The following MARCHF1 variants were observed in gnomAD, a reference collection of about 807,000 sequenced individuals.
MARCHF1 encodes membrane associated ring-CH-type finger 1.
In MARCHF1, 40 loss-of-function variants were observed where a neutral mutation model predicts 54.2. That is an observed-to-expected ratio of 0.74 (90% CI 0.57 to 0.96). MARCHF1 has a LOEUF of 0.96. MARCHF1 is among the 40% of genes least tolerant of loss of function. MARCHF1 has a pLI of 0.00. For missense variants in MARCHF1, 586 were observed against 656.5 expected (o/e 0.89, Z 1.17); for synonymous variants, 236 against 236.3 (o/e 1.00, Z 0.01).
Position 163,528,342 on chromosome 4 carries a change from C to A in MARCHF1, c.*406G>T. 1 of 161,694 alleles carries A rather than the reference C, an allele frequency of 6.2e-6. No homozygotes were observed. Among genetic ancestry groups the A allele is most frequent in the Non-Finnish European group, 1.3e-5 (1 of 74,364 alleles). The allele number at this position is 161,694 out of a possible 1,614,324, so 10.0% of individuals were successfully genotyped here. Reference sequence around the variant, plus strand: ...ATATGTTAGTTATTTCCAGATGAGACAGTTAACATTACAAGGCCCTAGAAG... The same window carrying A: ...ATATGTTAGTTATTTCCAGATGAGAAAGTTAACATTACAAGGCCCTAGAAG... On this transcript the variant is annotated 3_prime_UTR_variant, in exon 10 of 10. Transcript: ENST00000514618.
intron 4 of MARCHF1, among the ~76,000 whole-genome samples, chr4:163,716,885 T>C (rs1252263051): frequency 6.6e-6 from 1 of 152,228 alleles, no homozygotes; most frequent in Non-Finnish European, 1.5e-5. Flanking sequence ...AATTGTTACA[T>C]AAGAATAAAC....
At chr4:164,361,718 G>T (rs1480301979) in intron 1 of MARCHF1, among the ~76,000 whole-genome samples, 1 of 151,902 alleles carries the variant, frequency 6.6e-6, no homozygotes, top group Non-Finnish European at 1.5e-5. Context: ...GCTTTTCTGA[G>T]GTTTTCATTT....
At chr4:163,546,373 C>T (rs577380829) in intron 8 of MARCHF1, among the ~76,000 whole-genome samples, 1 of 152,262 alleles carries the variant, frequency 6.6e-6, no homozygotes, top group African/African-American at 2.4e-5. Flanking sequence ...CTATAGTTTC[C>T]TCATCTGTAC....
intron 1 of MARCHF1, among the ~76,000 whole-genome samples, chr4:164,306,869 C>T (rs1449259503): frequency 3.9e-5 from 6 of 152,124 alleles, no homozygotes; most frequent in Non-Finnish European, 7.4e-5. Context: ...ATGCCATAAA[C>T]TAATCATCAT....
chr4:163,883,818 A>G (rs1261790829), intron 3 of MARCHF1, among the ~76,000 whole-genome samples: 2 of 151,942 alleles, frequency 1.3e-5, no homozygotes, highest in African/African-American at 4.8e-5. Flanking sequence ...AAATATTCAG[A>G]CAATATAACA....
At chr4:164,312,424 G>A (rs192509279) in intron 1 of MARCHF1, among the ~76,000 whole-genome samples, 32 of 142,556 alleles carry the variant, frequency 2.2e-4, no homozygotes, top group African/African-American at 7.0e-4. Context: ...CCGGGTTCAC[G>A]CCATTCTCCT....
chr4:163,556,007 T>C (rs571784463), intron 8 of MARCHF1: 2 of 455,622 alleles, frequency 4.4e-6, no homozygotes, highest in Non-Finnish European at 8.8e-6. Flanking sequence ...CTTTTAAAAA[T>C]ACCCAATTTT....
chr4:163,558,613 G>A (rs1013032047), intron 8 of MARCHF1, among the ~76,000 whole-genome samples: 1 of 152,220 alleles, frequency 6.6e-6, no homozygotes, highest in Admixed American at 6.5e-5. Context: ...GAAACAGGAC[G>A]ATGAGCTGCA....
rs997182833 is a variant in MARCHF1, at chr4:164,034,194, A to G, written c.-247-45485T>C. Among the ~76,000 whole-genome samples the G allele has an allele frequency of 2.6e-5, 4 of 152,126 alleles. No individual in the cohort carries two copies. The South Asian group carries it at 6.2e-4, about 24-fold the overall frequency. On this transcript the variant is annotated intron_variant, in intron 2 of 9. Transcript: ENST00000514618. ...CACGTGTTTGCAGGGACATGGATGA[A>G]GCTGGAAGCCATCATCCTCAGCAAA...
At chr4:163,939,486 T>C (rs1363070717) in intron 3 of MARCHF1, among the ~76,000 whole-genome samples, 1 of 152,152 alleles carries the variant, frequency 6.6e-6, no homozygotes, top group East Asian at 1.9e-4. Context: ...TCCTCTGTAG[T>C]GGGTGGTCTG....
chr4:164,362,415 T>C (rs1730746936), intron 1 of MARCHF1, among the ~76,000 whole-genome samples: 1 of 151,998 alleles, frequency 6.6e-6, no homozygotes, highest in Admixed American at 6.6e-5. Context: ...GAGACATGAG[T>C]CCAGGGGGTA....
At chr4:163,967,152 A>G (rs1310584970) in intron 3 of MARCHF1, among the ~76,000 whole-genome samples, 3 of 152,142 alleles carry the variant, frequency 2.0e-5, no homozygotes, top group Non-Finnish European at 2.9e-5. Context: ...TCATTAAGGG[A>G]CCTTGTATAC....
chr4:164,144,967 C>T (rs1471435367), intron 1 of MARCHF1, among the ~76,000 whole-genome samples: 1 of 132,348 alleles, frequency 7.6e-6, no homozygotes, highest in East Asian at 2.1e-4. Flanking sequence ...CAAATAGATG[C>T]AATAAAAAAT....
chr4:164,235,231 C>T (rs1033513890), intron 1 of MARCHF1, among the ~76,000 whole-genome samples: 2 of 152,004 alleles, frequency 1.3e-5, no homozygotes, highest in African/African-American at 4.8e-5. Flanking sequence ...GGGAATAGTC[C>T]CCATTTCCCT....
chr4:163,899,617 A>T (rs560906280), intron 3 of MARCHF1, among the ~76,000 whole-genome samples: 1 of 151,892 alleles, frequency 6.6e-6, no homozygotes, highest in Non-Finnish European at 1.5e-5. Context: ...AATGACGATG[A>T]CTCTCAAATG....
intron 4 of MARCHF1, among the ~76,000 whole-genome samples, chr4:163,722,774 A>G (rs1423495485): frequency 6.6e-6 from 1 of 152,162 alleles, no homozygotes; most frequent in African/African-American, 2.4e-5. Context: ...TCCCTTTACC[A>G]TTATGTAATG....
intron 2 of MARCHF1, among the ~76,000 whole-genome samples, chr4:164,085,741 A>C (rs1755180025): frequency 6.6e-6 from 1 of 151,864 alleles, no homozygotes; most frequent in South Asian, 2.1e-4. Context: ...ATTGATAATC[A>C]TTGTAATGGT....
At chr4:164,061,316 A>T (rs111286256) in intron 2 of MARCHF1, among the ~76,000 whole-genome samples, 10 of 151,802 alleles carry the variant, frequency 6.6e-5, no homozygotes, top group African/African-American at 2.4e-4. Context: ...CCCCACTTTT[A>T]TTATTTTTGT....
At chr4:163,792,842 C>T (rs1385082780) in intron 4 of MARCHF1, among the ~76,000 whole-genome samples, 4 of 152,246 alleles carry the variant, frequency 2.6e-5, no homozygotes, top group East Asian at 3.9e-4. Context: ...AACCGTAGGA[C>T]GAAATGTGAA....
Sources: allele counts gnomAD v4.1 joint callset (sites outside exome capture counted in the v4.1 genomes callset), GRCh38; gene constraint gnomAD v4.1.1; transcripts MANE v1.5; gene names NCBI Gene and HGNC (gene_info 2026-07-23, HGNC 2026-07-21).